HPSE2: variants seen among roughly 807,000 people sequenced by gnomAD.
The protein encoded by HPSE2 is heparanase 2 (inactive).
Under a neutral mutation model 60.5 loss-of-function variants are expected in HPSE2, and 38 were observed. The observed-to-expected ratio is 0.63, with a 90% CI of 0.48 to 0.82. HPSE2 has a LOEUF of 0.82. Among genes scored for constraint, HPSE2 ranks in the 40% least tolerant of loss-of-function variants. The pLI is 0.00. For synonymous variants in HPSE2, 295 were observed against 293.2 expected (o/e 1.01, Z -0.06); for missense variants, 713 against 740.4 (o/e 0.96, Z 0.43).
Position 98,774,058 on chromosome 10 carries a change from T to C in HPSE2, c.611-30002A>G, listed in dbSNP as rs570791528. On this transcript the variant is annotated intron_variant, in intron 3 of 11. Coordinates refer to ENST00000370552, the MANE Select transcript of HPSE2 (RefSeq NM_021828.5). ...CAGTATGGGTGACGGAGTGACATCCTGTAGCAAAAAAAGGATAAAAATCAA... is the reference window on the plus strand; with the variant it reads ...CAGTATGGGTGACGGAGTGACATCCCGTAGCAAAAAAAGGATAAAAATCAA... 2.6e-5 allele frequency among the ~76,000 whole-genome samples: 4 copies of C among 152,182 alleles called. No homozygotes were observed. The South Asian group carries it at 8.3e-4, about 31-fold the overall frequency.
chr10:99,140,370 C>T (rs1055930626), intron 3 of HPSE2, among the ~76,000 whole-genome samples: 2 of 152,122 alleles, frequency 1.3e-5, no homozygotes, highest in African/African-American at 2.4e-5. Context: ...TGTGTAATGC[C>T]ATCCATCTAT....
rs547874311 is a variant in HPSE2, at chr10:98,931,506, T to C, written c.611-187450A>G. On this transcript the variant is annotated intron_variant, in intron 3 of 11. Coordinates refer to ENST00000370552, the MANE Select transcript of HPSE2 (RefSeq NM_021828.5). Reference sequence around the variant, plus strand: ...AAGTTTTTTCTAATTCTGTGAAGAATGTCAATGGTAGCTTAATGGGAATTG... The same window carrying C: ...AAGTTTTTTCTAATTCTGTGAAGAACGTCAATGGTAGCTTAATGGGAATTG... 3.1e-4 allele frequency among the ~76,000 whole-genome samples: 44 copies of C among 144,168 alleles called. 2 individuals are homozygous for C. The highest frequency in any genetic ancestry group is 3.5e-3 in the Middle Eastern group (1 of 282). The allele number at this position is 144,168 out of a possible 152,430, so 94.6% of individuals were successfully genotyped here. A position where few individuals can be genotyped will look rare whatever the true frequency, so the allele number is the denominator to read the frequency against.
intron 9 of HPSE2, among the ~76,000 whole-genome samples, chr10:98,512,640 G>C (rs1942451375): frequency 6.6e-6 from 1 of 151,906 alleles, no homozygotes; most frequent in South Asian, 2.1e-4. Context: ...AAAGTAGGAA[G>C]ATCAGTGCTT....
intron 3 of HPSE2, among the ~76,000 whole-genome samples, chr10:98,974,161 G>A (rs533854479): frequency 5.3e-5 from 8 of 151,978 alleles, no homozygotes; most frequent in Admixed American, 3.9e-4. Context: ...GTGTGGTGGT[G>A]TGCACCCGTA....
At chr10:99,128,877 A>G (rs145710213) in intron 3 of HPSE2, among the ~76,000 whole-genome samples, 1 of 152,288 alleles carries the variant, frequency 6.6e-6, no homozygotes, top group African/African-American at 2.4e-5. Flanking sequence ...AAATCCACCA[A>G]CCAAGTATCT....
At chr10:99,088,244 G>C (rs1021420644) in intron 3 of HPSE2, among the ~76,000 whole-genome samples, 1 of 152,110 alleles carries the variant, frequency 6.6e-6, no homozygotes, top group East Asian at 1.9e-4. Context: ...GGGGAAACAG[G>C]TGGTATTTGG....
rs377361511 is a variant in HPSE2, at chr10:98,503,029, T to C, written c.1321-12833A>G. ...GAGTTTGAGATCAGCCTGGCCAACA[T>C]GGTGAAACCCCGTCTCTATTAAAAA... On this transcript the variant is annotated intron_variant, in intron 9 of 11. Coordinates refer to ENST00000370552, the MANE Select transcript of HPSE2 (RefSeq NM_021828.5). Among the ~76,000 whole-genome samples, 14 of 152,046 alleles carry C rather than the reference T, an allele frequency of 9.2e-5. No individual in the cohort carries two copies. In the East Asian group the frequency reaches 9.7e-4, roughly 11 times the overall value.
chr10:98,519,208 A>T (rs901478184), intron 9 of HPSE2, among the ~76,000 whole-genome samples: 1 of 152,238 alleles, frequency 6.6e-6, no homozygotes, highest in African/African-American at 2.4e-5. Flanking sequence ...ATCATCATTC[A>T]TTAACATTTG....
At chr10:99,125,598 G>A (rs563350138) in intron 3 of HPSE2, among the ~76,000 whole-genome samples, 3 of 152,164 alleles carry the variant, frequency 2.0e-5, no homozygotes, top group Non-Finnish European at 4.4e-5. Flanking sequence ...TGAAAGAAGT[G>A]GCATGCCACT....
At chr10:99,050,671 A>G (rs1338928394) in intron 3 of HPSE2, among the ~76,000 whole-genome samples, 1 of 152,214 alleles carries the variant, frequency 6.6e-6, no homozygotes, top group Non-Finnish European at 1.5e-5. Flanking sequence ...CAATAGAAAA[A>G]ATTAGCCATT....
the HPSE2 span, among the ~76,000 whole-genome samples, chr10:99,294,279 C>CAT: frequency 3.4e-5 from 5 of 149,252 alleles, no homozygotes; most frequent in African/African-American, 9.8e-5. Context: ...TATATGTACA[C>CAT]ATATATATAT....
At chr10:98,639,204 G>A (rs1261377165) in intron 7 of HPSE2, among the ~76,000 whole-genome samples, 2 of 152,184 alleles carry the variant, frequency 1.3e-5, no homozygotes, top group Non-Finnish European at 2.9e-5. Flanking sequence ...TAACCTTTCA[G>A]TAATCCCTGC....
intron 3 of HPSE2, among the ~76,000 whole-genome samples, chr10:98,889,841 G>C (rs903667752): frequency 6.6e-6 from 1 of 151,946 alleles, no homozygotes; most frequent in South Asian, 2.1e-4. Flanking sequence ...AACGGAGGAT[G>C]GGGGGGATGC....
At position 98,502,382 on chromosome 10, in the gene HPSE2, T is replaced by C. The variant is rs192021112; in HGVS notation, c.1321-12186A>G. 2.7e-3 allele frequency among the ~76,000 whole-genome samples: 413 copies of C among 152,130 alleles called. 2 individuals carry two copies. The highest frequency in any genetic ancestry group is 9.5e-3 in the African/African-American group (393 of 41,504). ...GACCAATGGAACAGAATAGGGAACC[T>C]AGGAATCAACCCACATACTTACAGC... On this transcript the variant is annotated intron_variant, in intron 9 of 11. Transcript: ENST00000370552.
intron 7 of HPSE2, among the ~76,000 whole-genome samples, chr10:98,634,932 G>A (rs1219363742): frequency 6.6e-6 from 1 of 152,152 alleles, no homozygotes; most frequent in Non-Finnish European, 1.5e-5. Context: ...CTTTCTCTGA[G>A]AGGACTTCCC....
At chr10:99,154,674 C>T (rs1188071619) in intron 2 of HPSE2, among the ~76,000 whole-genome samples, 1 of 151,442 alleles carries the variant, frequency 6.6e-6, no homozygotes, top group Non-Finnish European at 1.5e-5. Context: ...ACCATCGAAA[C>T]TAGGAAGAAA....
In HPSE2 at chr10:98,782,849, C is replaced by G. The variant is rs1453629769; in HGVS notation, c.611-38793G>C. Among the ~76,000 whole-genome samples the G allele has an allele frequency of 3.1e-5, 4 of 128,110 alleles. No individual in the cohort carries two copies. The South Asian group carries it at 1.2e-3, about 37-fold the overall frequency. The allele number at this position is 128,110 out of a possible 152,430, so 84.0% of individuals were successfully genotyped here. A position where few individuals can be genotyped will look rare whatever the true frequency, so the allele number is the denominator to read the frequency against. ...ACAAAATGTATGGGCCCAAATGAGA[C>G]TTAAGAATTTTTGATGAAGAGTTAG... On this transcript the variant is annotated intron_variant, in intron 3 of 11. Coordinates refer to ENST00000370552, the MANE Select transcript of HPSE2 (RefSeq NM_021828.5).
At chr10:98,549,722 GT>G (rs1215170662) in intron 9 of HPSE2, among the ~76,000 whole-genome samples, 2 of 152,056 alleles carry the variant, frequency 1.3e-5, no homozygotes, top group Non-Finnish European at 2.9e-5. Flanking sequence ...CCACCTCTGC[GT>G]TTAATAGCAA....
intron 3 of HPSE2, among the ~76,000 whole-genome samples, chr10:98,944,166 C>T (rs2135166979): frequency 6.6e-6 from 1 of 152,178 alleles, no homozygotes; most frequent in Admixed American, 6.5e-5. Flanking sequence ...AGGGTAGTGA[C>T]AGGTAATGAG....
Sources: allele counts gnomAD v4.1 joint callset (sites outside exome capture counted in the v4.1 genomes callset), GRCh38; gene constraint gnomAD v4.1.1; transcripts MANE v1.5; gene names NCBI Gene and HGNC (gene_info 2026-07-23, HGNC 2026-07-21).